The following SORCS3 variants were observed in gnomAD, a reference collection of about 807,000 sequenced individuals.
SORCS3 encodes VPS10 domain-containing receptor SorCS3.
Under a neutral mutation model 146.3 loss-of-function variants are expected in SORCS3, and 57 were observed. That is an observed-to-expected ratio of 0.39 (90% CI 0.31 to 0.49). The LOEUF is 0.49. Among genes scored for constraint, SORCS3 ranks in the 20% least tolerant of loss-of-function variants. The probability of loss-of-function intolerance (pLI) is 0.92; values close to 1 mark genes in which losing one functional copy is unlikely to be tolerated. For missense variants in SORCS3, 1,341 were observed against 1,575.5 expected (o/e 0.85, Z 2.52); for synonymous variants, 653 against 618.5 (o/e 1.06, Z -0.83).
intron 7 of SORCS3, among the ~76,000 whole-genome samples, chr10:105,117,514 C>G (rs2055901919): frequency 1.3e-5 from 2 of 152,154 alleles, no homozygotes; most frequent in African/African-American, 4.8e-5. Context: ...ACTGATCACT[C>G]TCCTTTCCCC....
chr10:104,849,411 C>CAAA (rs10591862), intron 2 of SORCS3, among the ~76,000 whole-genome samples: 1 of 78,034 alleles, frequency 1.3e-5, no homozygotes, highest in African/African-American at 5.1e-5. Context: ...GACTCCATCT[C>CAAA]AAAAAAAAAA....
In SORCS3 at chr10:104,716,036, T is replaced by C. The variant is rs148083093; in HGVS notation, c.627+74082T>C. On this transcript the variant is annotated intron_variant, in intron 1 of 26. Transcript: ENST00000369701. Reference sequence around the variant, plus strand: ...TGCTTCCACCTCAGAGCTCTTGCAGTGGAGTTCCCTCTGCCTGAATCCTCT... The same window carrying C: ...TGCTTCCACCTCAGAGCTCTTGCAGCGGAGTTCCCTCTGCCTGAATCCTCT... Among the ~76,000 whole-genome samples, 89 of 152,340 alleles carry C rather than the reference T, an allele frequency of 5.8e-4. 2 individuals are homozygous for C. In the East Asian group the frequency reaches 0.017, roughly 28 times the overall value.
chr10:104,884,752 A>G lies in SORCS3; in HGVS notation c.696-31081A>G, dbSNP rs185242573. Among the ~76,000 whole-genome samples the G allele has an allele frequency of 3.3e-3, 508 of 152,284 alleles. 2 individuals are homozygous for G. The highest frequency in any genetic ancestry group is 0.018 in the South Asian group (88 of 4,820). On this transcript the variant is annotated intron_variant, in intron 2 of 26. Transcript: ENST00000369701. ...GGAAAAAAAAAGACATTTCTAAAAT[A>G]GTTTTGAATTCTCATAGATAGCTAT...
intron 8 of SORCS3, among the ~76,000 whole-genome samples, chr10:105,144,618 T>C (rs1359522972): frequency 6.6e-6 from 1 of 152,140 alleles, no homozygotes; most frequent in Admixed American, 6.6e-5. Flanking sequence ...AATATAAATA[T>C]GTATGTGATT....
intron 1 of SORCS3, among the ~76,000 whole-genome samples, chr10:104,762,822 G>T (rs1410234453): frequency 6.6e-6 from 1 of 152,178 alleles, no homozygotes; most frequent in Non-Finnish European, 1.5e-5. Flanking sequence ...TAGCCATGCG[G>T]AACTGAGTCA....
At chr10:104,888,443 A>C (rs2018714729) in intron 2 of SORCS3, among the ~76,000 whole-genome samples, 1 of 152,166 alleles carries the variant, frequency 6.6e-6, no homozygotes, top group Non-Finnish European at 1.5e-5. Flanking sequence ...AGGAGAGTCC[A>C]TTGTTTTCCA....
chr10:105,189,282 T>C (rs1322907810), intron 14 of SORCS3, among the ~76,000 whole-genome samples: 1 of 152,162 alleles, frequency 6.6e-6, no homozygotes, highest in Non-Finnish European at 1.5e-5. Flanking sequence ...AGTTAAGCTG[T>C]CTCTGGATAG....
At chr10:105,183,888 G>A (rs1419943731) in intron 14 of SORCS3, among the ~76,000 whole-genome samples, 1 of 152,178 alleles carries the variant, frequency 6.6e-6, no homozygotes, top group Non-Finnish European at 1.5e-5. Context: ...GGATGGTGTG[G>A]TGACTGAGAG....
intron 24 of SORCS3, among the ~76,000 whole-genome samples, chr10:105,256,044 C>T (rs2056929476): frequency 6.6e-6 from 1 of 152,174 alleles, no homozygotes; most frequent in South Asian, 2.1e-4. Flanking sequence ...CGGAGAAAAC[C>T]TACAATTTAC....
chr10:105,179,457 G>A (rs1324590694), intron 14 of SORCS3, among the ~76,000 whole-genome samples: 1 of 152,188 alleles, frequency 6.6e-6, no homozygotes, highest in Non-Finnish European at 1.5e-5. Context: ...GAGCTTGACA[G>A]AGCTTCTGTG....
chr10:104,723,163 A>G (rs1018990382), intron 1 of SORCS3, among the ~76,000 whole-genome samples: 1 of 152,268 alleles, frequency 6.6e-6, no homozygotes. Flanking sequence ...TGTCCCAGAG[A>G]TTCTGGTATG....
At chr10:105,260,166 C>G (rs913564341) in intron 25 of SORCS3, among the ~76,000 whole-genome samples, 9 of 152,098 alleles carry the variant, frequency 5.9e-5, no homozygotes, top group African/African-American at 2.2e-4. Flanking sequence ...CGAATAATCT[C>G]TATAAGGGCA....
intron 1 of SORCS3, among the ~76,000 whole-genome samples, chr10:104,823,539 A>G (rs2017899969): frequency 6.6e-6 from 1 of 152,102 alleles, no homozygotes; most frequent in Admixed American, 6.6e-5. Context: ...CCATTGCAGT[A>G]TCCTTCTCAC....
chr10:104,908,042 C>T (rs75603673), intron 2 of SORCS3, among the ~76,000 whole-genome samples: 1 of 152,330 alleles, frequency 6.6e-6, no homozygotes, highest in East Asian at 1.9e-4. Context: ...TGGTCTGGAG[C>T]TGTGCTGTGG....
At chr10:104,938,441 G>C (rs1206036428) in intron 3 of SORCS3, among the ~76,000 whole-genome samples, 1 of 152,060 alleles carries the variant, frequency 6.6e-6, no homozygotes, top group Non-Finnish European at 1.5e-5. Context: ...CAATATTTTT[G>C]CTTGCCTTAT....
intron 2 of SORCS3, among the ~76,000 whole-genome samples, chr10:104,902,742 C>T (rs1169478255): frequency 3.9e-5 from 6 of 152,260 alleles, no homozygotes; most frequent in African/African-American, 1.4e-4. Flanking sequence ...TTGCCCTGTG[C>T]TTTATGTAGG....
intron 1 of SORCS3, among the ~76,000 whole-genome samples, chr10:104,827,448 C>G (rs1414842703): frequency 1.3e-5 from 2 of 152,130 alleles, no homozygotes; most frequent in African/African-American, 4.8e-5. Flanking sequence ...TGTCAGTAAG[C>G]AGTAATATTT....
intron 1 of SORCS3, among the ~76,000 whole-genome samples, chr10:104,682,743 G>A (rs757313161): frequency 6.6e-5 from 10 of 152,202 alleles, no homozygotes; most frequent in Non-Finnish European, 1.5e-4. Flanking sequence ...ACACAGCTAG[G>A]CAGAAAAGTA....
intron 1 of SORCS3, among the ~76,000 whole-genome samples, chr10:104,770,195 G>A (rs2017230685): frequency 6.6e-6 from 1 of 152,186 alleles, no homozygotes; most frequent in African/African-American, 2.4e-5. Context: ...GCTGTAGGGA[G>A]GACATGTGAG....
Sources: allele counts gnomAD v4.1 joint callset (sites outside exome capture counted in the v4.1 genomes callset), GRCh38; gene constraint gnomAD v4.1.1; transcripts MANE v1.5; gene names NCBI Gene and HGNC (gene_info 2026-07-23, HGNC 2026-07-21).